TTBK2: variants seen among roughly 807,000 people sequenced by gnomAD.
TTBK2 encodes the protein tau-tubulin kinase 2.
Under a neutral mutation model 110.8 loss-of-function variants are expected in TTBK2, and 28 were observed. That is an observed-to-expected ratio of 0.25 (90% CI 0.19 to 0.35). The LOEUF (loss-of-function observed/expected upper bound fraction) is 0.35, where lower values mean the gene tolerates loss of function less well. Among genes scored for constraint, TTBK2 ranks in the 10% least tolerant of loss-of-function variants. The pLI is 1.00. For synonymous variants in TTBK2, 532 were observed against 527.3 expected (o/e 1.01, Z -0.12); for missense variants, 1,369 against 1,500.3 (o/e 0.91, Z 1.45).
chr15:42,842,196 T>C (rs1893247930), intron 3 of TTBK2, among the ~76,000 whole-genome samples: 1 of 151,882 alleles, frequency 6.6e-6, no homozygotes, highest in African/African-American at 2.4e-5. Context: ...ATGCCTGCCC[T>C]AGAAAATGCA....
chr15:42,912,992 G>GCGGGCGCCTGTAGTCCCAGCTACT (rs1338643212), intron 1 of TTBK2, among the ~76,000 whole-genome samples: 5 of 150,582 alleles, frequency 3.3e-5, no homozygotes, highest in African/African-American at 1.2e-4. Flanking sequence ...GGGCGCGGTG[G>GCGGGCGCCTGTAGTCCCAGCTACT]CGGGCGCCTG....
At chr15:42,874,107 T>C (rs1171995144) in intron 2 of TTBK2, among the ~76,000 whole-genome samples, 1 of 152,160 alleles carries the variant, frequency 6.6e-6, no homozygotes, top group African/African-American at 2.4e-5. Flanking sequence ...AAATAACTTG[T>C]TTTCAAACTG....
Position 42,752,850 on chromosome 15 carries a change from C to T in TTBK2, c.2396G>A (p.Cys799Tyr). The part of the protein sequence containing the change: ...EDEKLSRGQH[C>Y]IEISSLPGDL... ...TCCTGGGAGAGAGGAGATCTCAATA[C>T]AATGCTGCCCTCTACTTAACTTCTC... Residue 799 changes from cysteine (C) to tyrosine (Y), a missense_variant, in exon 14 of 15, where the codon TGT becomes TAT. Around this residue, in one of 4 missense-constraint regions of TTBK2, gnomAD observed 1,097 missense variants for 1,114.7 expected, o/e 0.98. Coordinates refer to ENST00000267890, the MANE Select transcript of TTBK2 (RefSeq NM_173500.4). 1 of 1,614,184 alleles carries T rather than the reference C, an allele frequency of 6.2e-7. No individual in the cohort carries two copies.
intron 1 of TTBK2, among the ~76,000 whole-genome samples, chr15:42,881,061 C>G (rs1895020223): frequency 6.6e-6 from 1 of 151,882 alleles, no homozygotes; most frequent in Non-Finnish European, 1.5e-5. Context: ...ACAGGCAGAT[C>G]TCTTGAGGTC....
intron 3 of TTBK2, among the ~76,000 whole-genome samples, chr15:42,865,987 T>C (rs918793006): frequency 5.3e-5 from 8 of 152,198 alleles, no homozygotes; most frequent in African/African-American, 1.9e-4. Flanking sequence ...CAAAACCCAA[T>C]TGTATGTTGT....
chr15:42,859,261 C>T (rs1894061594), intron 3 of TTBK2, among the ~76,000 whole-genome samples: 1 of 152,018 alleles, frequency 6.6e-6, no homozygotes, highest in Non-Finnish European at 1.5e-5. Context: ...TGCACACCAC[C>T]ATGTCCAGAT....
chr15:42,753,047 C>A lies in TTBK2; in HGVS notation c.2199G>T (p.Gln733His). Reference protein sequence around the residue: ...SGGSRTDLGLQIDHIGHDMLP... With the variant: ...SGGSRTDLGLHIDHIGHDMLP... ...ACATGTCATGACCAATGTGATCTAT[C>A]TGAAGCCCCAAATCTGTTCTGCTTC... Residue 733 changes from glutamine to histidine, a missense_variant, in exon 14 of 15, where the codon CAG becomes CAT. Gln to His is a conservative substitution (Grantham distance 24). Around this residue, in one of 4 missense-constraint regions of TTBK2, gnomAD observed 1,097 missense variants for 1,114.7 expected, o/e 0.98. Coordinates refer to ENST00000267890, the MANE Select transcript of TTBK2 (RefSeq NM_173500.4). 1 of 1,613,440 alleles carries A rather than the reference C, an allele frequency of 6.2e-7. No individual in the cohort carries two copies. The highest frequency in any genetic ancestry group is 1.7e-4 in the Middle Eastern group (1 of 6,058).
chr15:42,896,564 A>G (rs1895676351), intron 1 of TTBK2, among the ~76,000 whole-genome samples: 1 of 152,168 alleles, frequency 6.6e-6, no homozygotes, highest in Non-Finnish European at 1.5e-5. Context: ...AGGAAGGACT[A>G]TCGCTGGAGG....
At chr15:42,892,437 G>C (rs1216308589) in intron 1 of TTBK2, among the ~76,000 whole-genome samples, 1 of 147,954 alleles carries the variant, frequency 6.8e-6, no homozygotes, top group Admixed American at 6.7e-5. Context: ...CTGGGCACGG[G>C]GGCTCACACC....
rs536539167 is a variant in TTBK2, at chr15:42,787,779, A to G, written c.981-4144T>C. On this transcript the variant is annotated intron_variant, in intron 10 of 14. Coordinates refer to ENST00000267890, the MANE Select transcript of TTBK2 (RefSeq NM_173500.4). ...AGTGTTTACATTATCATTTTTTTCT[A>G]TAACTTTTAGTTTTTATTTTCCTTT... 3.9e-5 allele frequency among the ~76,000 whole-genome samples: 6 copies of G among 152,250 alleles called. No individual in the cohort carries two copies. The South Asian group carries it at 1.0e-3, about 26-fold the overall frequency.
intron 10 of TTBK2, among the ~76,000 whole-genome samples, chr15:42,787,671 C>T (rs1890466872): frequency 6.6e-6 from 1 of 152,198 alleles, no homozygotes; most frequent in Admixed American, 6.5e-5. Flanking sequence ...ATGAGACATA[C>T]TGACATTATG....
At position 42,746,165 on chromosome 15, in the gene TTBK2, G is replaced by A. The variant is rs56142516; in HGVS notation, c.3365C>T (p.Pro1122Leu). ...ACTCTTGCACTGAGTAGTGCTCCGG[G>A]GTTTCTGAGATCCATTTTGAAGAAT... ...AQILQNGSQK[P>L]RSTTQCKSPG... The change falls in exon 15 of 15, where the codon CCC becomes CTC. Residue 1122 changes from proline to leucine, a missense_variant. Physicochemically the swap from Pro to Leu is moderately conservative, Grantham distance 98. Around this residue, in one of 4 missense-constraint regions of TTBK2, gnomAD observed 1,097 missense variants for 1,114.7 expected, o/e 0.98. Coordinates refer to ENST00000267890, the MANE Select transcript of TTBK2 (RefSeq NM_173500.4). The A allele has an allele frequency of 1.2e-6, 2 of 1,614,148 alleles. No homozygotes were observed. Among genetic ancestry groups the A allele is most frequent in the Non-Finnish European group, 8.5e-7 (1 of 1,180,032 alleles).
At position 42,871,687 on chromosome 15, in the gene TTBK2, C is replaced by G. The variant is rs183825175; in HGVS notation, c.217+924G>C. The G allele has an allele frequency of 7.3e-5, 40 of 550,830 alleles. No homozygotes were observed. In the African/African-American group the frequency reaches 8.5e-4, roughly 12 times the overall value. 34.1% of individuals were successfully genotyped at this position (550,830 alleles called of 1,614,324 possible). A position where few individuals can be genotyped will look rare whatever the true frequency, so the allele number is the denominator to read the frequency against. ...AAAGGTCAGAAAAAGAAAGAGCCAT[C>G]CTTTTACCTATTCTTTCTTCTCCAA... On this transcript the variant is annotated intron_variant, in intron 3 of 14. Coordinates refer to ENST00000267890, the MANE Select transcript of TTBK2 (RefSeq NM_173500.4).
chr15:42,862,345 T>C (rs886836847), intron 3 of TTBK2, among the ~76,000 whole-genome samples: 9 of 152,182 alleles, frequency 5.9e-5, no homozygotes, highest in African/African-American at 2.2e-4. Context: ...AACAAAATAC[T>C]AGCAAACCAA....
intron 1 of TTBK2, among the ~76,000 whole-genome samples, chr15:42,897,980 A>C (rs1895734719): frequency 1.3e-5 from 2 of 152,102 alleles, no homozygotes; most frequent in South Asian, 4.1e-4. Context: ...CATTGAGCCC[A>C]AGAGTTTGAA....
intron 10 of TTBK2, among the ~76,000 whole-genome samples, chr15:42,790,881 T>G (rs529989686): frequency 1.3e-4 from 19 of 151,876 alleles, no homozygotes; most frequent in Middle Eastern, 6.8e-3. Context: ...TGTGTGTTTT[T>G]TTTGTTTGTT....
chr15:42,805,118 C>T (rs1400112112), intron 9 of TTBK2, among the ~76,000 whole-genome samples: 1 of 152,146 alleles, frequency 6.6e-6, no homozygotes, highest in Non-Finnish European at 1.5e-5. Context: ...GCCTACTGTC[C>T]TAGGTGCTGG....
At chr15:42,787,051 C>T (rs568826963) in intron 10 of TTBK2, among the ~76,000 whole-genome samples, 61 of 152,128 alleles carry the variant, frequency 4.0e-4, no homozygotes, top group South Asian at 1.2e-3. Context: ...ATAGTAAGAA[C>T]GAATATCCTT....
chr15:42,765,263 G>T (rs1035826546), intron 13 of TTBK2, among the ~76,000 whole-genome samples: 1 of 152,242 alleles, frequency 6.6e-6, no homozygotes, highest in Non-Finnish European at 1.5e-5. Flanking sequence ...GACGGAGAAT[G>T]AATTTGATGA....
Sources: gnomAD v4.1 joint callset for allele counts (sites outside exome capture counted in the v4.1 genomes callset) on GRCh38, gnomAD v4.1.1 for gene constraint, gnomAD v4.1.1 regional missense constraint, MANE v1.5 for transcripts, NCBI Gene and HGNC (gene_info 2026-07-23, HGNC 2026-07-21) for gene names.